PYGL: variants seen among roughly 807,000 people sequenced by gnomAD.
The protein encoded by PYGL is glycogen phosphorylase L.
PYGL carries 90 observed loss-of-function variants against 100.1 expected under a neutral mutation model. The observed-to-expected ratio is 0.90, with a 90% CI of 0.76 to 1.07. The LOEUF is 1.07. Among genes scored for constraint, PYGL ranks in the 50% least tolerant of loss-of-function variants. The pLI, the probability that PYGL is intolerant of heterozygous loss-of-function variation, is 0.00. For missense variants in PYGL, 1,016 were observed against 1,057.6 expected (o/e 0.96, Z 0.55); for synonymous variants, 373 against 393.0 (o/e 0.95, Z 0.60).
intron 17 of PYGL, 109 bp downstream of exon 17, chr14:50,909,786 G>A (rs1596031541): frequency 2.4e-6 from 3 of 1,262,130 alleles, no homozygotes; most frequent in African/African-American, 1.5e-5. Flanking sequence ...CACCTCTTAT[G>A]TGATCCAATT....
At chr14:50,932,506 G>A (rs2139191864) in intron 3 of PYGL, among the ~76,000 whole-genome samples, 1 of 152,306 alleles carries the variant, frequency 6.6e-6, no homozygotes, top group Admixed American at 6.5e-5. Context: ...TTTCCATGAG[G>A]GGAAAGACAA....
rs986963976 is a variant in PYGL, at chr14:50,915,333, C to T, written c.1403+3G>A. The T allele has an allele frequency of 1.2e-5, 19 of 1,613,998 alleles. No individual in the cohort carries two copies. Among genetic ancestry groups the T allele is most frequent in the Middle Eastern group, 1.6e-4 (1 of 6,082 alleles). ...ACCCACTGCCAGAGTAATGGAGGCT[C>T]ACACTTTAGTCTTCACGATGTCTGA... On this transcript the variant is annotated splice_donor_region_variant and intron_variant, in intron 11 of 19. Coordinates refer to ENST00000216392, the MANE Select transcript of PYGL (RefSeq NM_002863.5).
intron 13 of PYGL, among the ~76,000 whole-genome samples, chr14:50,912,823 G>A (rs371178977): frequency 1.5e-4 from 23 of 152,250 alleles, no homozygotes; most frequent in South Asian, 1.5e-3. Context: ...GCGTGGTGGC[G>A]GGCGCCTGTC....
rs1274011794 is a variant in PYGL at position 50,908,851 on chromosome 14, T to C, written c.2282A>G (p.Asp761Gly). 4 of 1,568,560 alleles carry C rather than the reference T, an allele frequency of 2.6e-6. No homozygotes were observed. The highest frequency in any genetic ancestry group is 2.6e-6 in the Non-Finnish European group (3 of 1,138,722). The change falls in exon 18 of 20, where the codon GAT becomes GGT. Residue 761 changes from aspartate (D) to glycine (G), a missense_variant. By Grantham distance (94) the Asp-to-Gly change is moderately conservative. Transcript: ENST00000216392. ...FSPKQPDLFK[D>G]IINMLFYHDR... ...ATGATAAAATAGCATGTTGATGATA[T>C]CTTTGAAGAGGTCAGGCTGCTTGGG...
In PYGL at chr14:50,909,948, G is replaced by A. The variant is rs760973148; in HGVS notation, c.2124C>T (p.Asn708=). The A allele has an allele frequency of 1.2e-6, 2 of 1,614,050 alleles. No individual in the cohort carries two copies. The highest frequency in any genetic ancestry group is 2.7e-5 in the African/African-American group (2 of 74,898). ...VEMAEEAGEE[N]LFIFGMRIDD... is the part of the protein sequence containing the mutation. Reference sequence around the variant, plus strand: ...CTATCCTCATGCCAAAGATGAACAGGTTCTCTTCCCCAGCTTCTTCTGCCA... The same window carrying A: ...CTATCCTCATGCCAAAGATGAACAGATTCTCTTCCCCAGCTTCTTCTGCCA... The change falls in exon 17 of 20, where the codon AAC becomes AAT. Residue 708 remains asparagine, a synonymous_variant. Coordinates refer to ENST00000216392, the MANE Select transcript of PYGL (RefSeq NM_002863.5).
intron 7 of PYGL, 66 bp downstream of exon 7, chr14:50,920,475 A>G (rs2050489710): frequency 7.2e-7 from 1 of 1,398,582 alleles, no homozygotes; most frequent in African/African-American, 1.4e-5. Context: ...TTTATAGGTT[A>G]CTGAACAGGC....
chr14:50,925,606 G>T (rs1006850616), intron 4 of PYGL, among the ~76,000 whole-genome samples: 1 of 152,170 alleles, frequency 6.6e-6, no homozygotes, highest in Non-Finnish European at 1.5e-5. Context: ...AATAAACACA[G>T]CCACTATCTT....
In PYGL at chr14:50,920,628, G is replaced by A; in HGVS notation, c.773-5C>T. ...GAATGTAGTCTCCAACATTAACTAG[G>A]GGAAAGTTAGAGAAACAATAAATAG... On this transcript the variant is annotated splice_region_variant and splice_polypyrimidine_tract_variant and intron_variant, in intron 6 of 19. Transcript: ENST00000216392. 1 of 1,604,420 alleles carries A rather than the reference G, an allele frequency of 6.2e-7. No homozygotes were observed.
intron 1 of PYGL, among the ~76,000 whole-genome samples, chr14:50,938,216 C>T (rs2050672618): frequency 6.6e-6 from 1 of 152,084 alleles, no homozygotes; most frequent in Admixed American, 6.6e-5. Flanking sequence ...AAAATCTTTT[C>T]TTTTTTTATT....
chr14:50,916,112 C>T, intron 9 of PYGL, 141 bp from the exon 10 acceptor site: 1 of 1,152,118 alleles, frequency 8.7e-7, no homozygotes, highest in South Asian at 1.4e-5. Context: ...CCACTAAGTT[C>T]CTGAATAGTC....
intron 5 of PYGL, among the ~76,000 whole-genome samples, chr14:50,923,068 T>C (rs897826410): frequency 4.6e-5 from 7 of 152,220 alleles, no homozygotes; most frequent in Non-Finnish European, 1.0e-4. Context: ...TGAGGCTAAG[T>C]TGCATGGCTT....
At chr14:50,908,415 A>G in intron 18 of PYGL, 78 bp from the exon 19 acceptor site, 4 of 1,323,406 alleles carry the variant, frequency 3.0e-6, no homozygotes, top group South Asian at 2.4e-5. Context: ...TCCATGTAAA[A>G]TCATCTTTTG....
At chr14:50,941,527 C>T (rs141895855) in intron 1 of PYGL, among the ~76,000 whole-genome samples, 82 of 152,214 alleles carry the variant, frequency 5.4e-4, no homozygotes, top group African/African-American at 1.7e-3. Flanking sequence ...AACAGTTGAA[C>T]GGCAAAAAGT....
Position 50,905,564 on chromosome 14 carries a change from C to T in PYGL, c.2380-8G>A. ...GTTCCAGGCCTTTGGATTCTGTAAA[C>T]AACATATGCATATACAGCCCAGAGT... On this transcript the variant is annotated splice_region_variant and splice_polypyrimidine_tract_variant and intron_variant, in intron 19 of 19. Coordinates refer to ENST00000216392, the MANE Select transcript of PYGL (RefSeq NM_002863.5). 2 of 1,613,812 alleles carry T rather than the reference C, an allele frequency of 1.2e-6. No individual in the cohort carries two copies. Among genetic ancestry groups the T allele is most frequent in the African/African-American group, 1.3e-5 (1 of 75,000 alleles).
At position 50,944,153 on chromosome 14, in the gene PYGL, C is replaced by T; in HGVS notation, c.243+8G>A. The T allele has an allele frequency of 6.2e-7, 1 of 1,600,156 alleles. No homozygotes were observed. The highest frequency in any genetic ancestry group is 8.5e-7 in the Non-Finnish European group (1 of 1,177,452). On this transcript the variant is annotated splice_region_variant and intron_variant, in intron 1 of 19. Coordinates refer to ENST00000216392, the MANE Select transcript of PYGL (RefSeq NM_002863.5). ...TGGACCCCGGCCCGCCGTCCCGCCCCCGGTTACCTTGGGGCACTTGTCGTA... is the reference window on the plus strand; with the variant it reads ...TGGACCCCGGCCCGCCGTCCCGCCCTCGGTTACCTTGGGGCACTTGTCGTA...
intron 1 of PYGL, among the ~76,000 whole-genome samples, chr14:50,940,414 C>T (rs191166472): frequency 5.9e-5 from 9 of 152,244 alleles, no homozygotes; most frequent in Non-Finnish European, 7.3e-5. Context: ...CACATTAGCA[C>T]GAACTTAAGT....
rs1385758500 is a variant in PYGL, at chr14:50,912,228, C to T, written c.1696G>A (p.Val566Ile). ...TACTCATGTATCCTCTTCACCTGGA[C>T]ATCAAACATGGAGGATGGGTTGATC... is the stretch of plus-strand genomic sequence containing the variant. ...VKINPSSMFDVQVKRIHEYKR... is the reference protein window; with the variant it reads ...VKINPSSMFDIQVKRIHEYKR... Residue 566 changes from valine to isoleucine, a missense_variant, in exon 14 of 20, where the codon GTC (valine) becomes ATC (isoleucine). Coordinates refer to ENST00000216392, the MANE Select transcript of PYGL (RefSeq NM_002863.5). 6.2e-7 allele frequency: 1 copy of T among 1,614,144 alleles called. No homozygotes were observed. The highest frequency in any genetic ancestry group is 8.5e-7 in the Non-Finnish European group (1 of 1,179,986).
intron 7 of PYGL, 113 bp from the exon 8 acceptor site, chr14:50,917,218 G>C (rs1188543891): frequency 8.1e-7 from 1 of 1,228,894 alleles, no homozygotes; most frequent in Non-Finnish European, 1.2e-6. Flanking sequence ...GACATCTGCT[G>C]AGGGGTGGTG....
chr14:50,944,122 C>A (rs1302698838), intron 1 of PYGL, 39 bp downstream of exon 1: 2 of 1,572,434 alleles, frequency 1.3e-6, no homozygotes, highest in South Asian at 2.3e-5. Flanking sequence ...GACTCCGACT[C>A]CGGGCTGGAC....
Sources: allele counts gnomAD v4.1 joint callset (sites outside exome capture counted in the v4.1 genomes callset), GRCh38; gene constraint gnomAD v4.1.1; transcripts MANE v1.5; gene names NCBI Gene and HGNC (gene_info 2026-07-23, HGNC 2026-07-21).